Variants in ADCK1 observed in about 807,000 individuals in gnomAD.
ADCK1 encodes the protein aarF domain-containing protein kinase 1.
ADCK1 carries 41 observed loss-of-function variants against 52.3 expected under a neutral mutation model. The observed-to-expected ratio is 0.78, with a 90% CI of 0.61 to 1.02. ADCK1 has a LOEUF of 1.02. Ranked by LOEUF, ADCK1 falls within the 50% of genes least tolerant of loss-of-function variation. The pLI, the probability that ADCK1 is intolerant of heterozygous loss-of-function variation, is 0.00. For synonymous variants in ADCK1, 250 were observed against 274.6 expected, an observed-to-expected ratio of 0.91 and a Z score of 0.89; for missense variants, 658 against 679.5, an observed-to-expected ratio of 0.97 and a Z score of 0.35.
At chr14:77,848,044 C>G (rs1019191906) in intron 3 of ADCK1, among the ~76,000 whole-genome samples, 4 of 152,090 alleles carry the variant, frequency 2.6e-5, no homozygotes. Flanking sequence ...TAGTGGCCAC[C>G]TGGATGTTTT....
chr14:77,921,926 C>A (rs542581798), intron 7 of ADCK1, among the ~76,000 whole-genome samples: 1 of 152,326 alleles, frequency 6.6e-6, no homozygotes, highest in African/African-American at 2.4e-5. Flanking sequence ...CTCCCCATGA[C>A]AGGCCTGCCC....
chr14:77,815,596 T>C (rs1054140292), intron 1 of ADCK1, among the ~76,000 whole-genome samples: 1 of 151,046 alleles, frequency 6.6e-6, no homozygotes. Context: ...CTCAGTTCAC[T>C]GCAACCTCCG....
intron 3 of ADCK1, among the ~76,000 whole-genome samples, chr14:77,833,885 C>T (rs2081908330): frequency 6.6e-6 from 1 of 152,180 alleles, no homozygotes; most frequent in Non-Finnish European, 1.5e-5. Flanking sequence ...CCATGGCCAA[C>T]ACCAGCGTTT....
At chr14:77,909,466 T>C (rs1320779581) in intron 7 of ADCK1, among the ~76,000 whole-genome samples, 2 of 152,156 alleles carry the variant, frequency 1.3e-5, no homozygotes, top group Non-Finnish European at 2.9e-5. Context: ...ACTCCCCATG[T>C]CCACAGGCAG....
chr14:77,844,098 C>T (rs1433897659), intron 3 of ADCK1, among the ~76,000 whole-genome samples: 5 of 151,880 alleles, frequency 3.3e-5, no homozygotes, highest in Non-Finnish European at 7.4e-5. Context: ...GACAGAGTCT[C>T]ACTCTGTTGC....
chr14:77,812,603 T>C (rs1461226749), intron 1 of ADCK1, among the ~76,000 whole-genome samples: 1 of 152,202 alleles, frequency 6.6e-6, no homozygotes. Context: ...CATATTCTTT[T>C]TTTTGAGACA....
Position 77,930,074 on chromosome 14 carries a change from C to T in ADCK1, c.1207-1444C>T, listed in dbSNP as rs566477649. Among the ~76,000 whole-genome samples, 10 of 152,102 alleles carry T rather than the reference C, an allele frequency of 6.6e-5. No homozygotes were observed. The South Asian group carries it at 8.3e-4, about 13-fold the overall frequency. On this transcript the variant is annotated intron_variant, in intron 9 of 10. Transcript: ENST00000238561. The stretch of plus-strand genomic sequence containing the variant: ...GACTGCTGCTCTGAGAGCTGTCCCC[C>T]GGTAGTAGCCTGGGTGACTGAAGTT...
chr14:77,867,502 A>G (rs975091849), intron 4 of ADCK1, among the ~76,000 whole-genome samples: 2 of 152,250 alleles, frequency 1.3e-5, no homozygotes, highest in Non-Finnish European at 2.9e-5. Context: ...GCTGACATCA[A>G]AAGAAGATTT....
intron 7 of ADCK1, among the ~76,000 whole-genome samples, chr14:77,920,622 G>T (rs2084026678): frequency 6.6e-6 from 1 of 152,082 alleles, no homozygotes; most frequent in African/African-American, 2.4e-5. Flanking sequence ...TTTGACACAT[G>T]TTCATTCTGT....
At chr14:77,864,351 CT>C (rs1251043058) in intron 4 of ADCK1, among the ~76,000 whole-genome samples, 4 of 152,200 alleles carry the variant, frequency 2.6e-5, no homozygotes, top group African/African-American at 9.7e-5. Flanking sequence ...AGAATATAAA[CT>C]GTTTATCCAA....
Position 77,907,810 on chromosome 14 carries a change from G to A in ADCK1, c.749G>A (p.Arg250Gln), listed in dbSNP as rs140603078. 11 of 1,613,128 alleles carry A rather than the reference G, an allele frequency of 6.8e-6. No individual in the cohort carries two copies. The highest frequency in any genetic ancestry group is 2.7e-5 in the African/African-American group (2 of 74,890). Residue 250 changes from arginine (R) to glutamine (Q), a missense_variant, in exon 7 of 11, where the codon CGA becomes CAA. Physicochemically the swap from Arg to Gln is conservative, Grantham distance 43. Coordinates refer to ENST00000238561, the MANE Select transcript of ADCK1 (RefSeq NM_020421.4). Reference protein sequence around the residue: ...LRHFDFLKVPRIHWDLSTERV... With the variant: ...LRHFDFLKVPQIHWDLSTERV... Reference sequence around the variant, plus strand: ...TGTCCCTTCCTATCCCAGGTCCCCCGAATCCACTGGGACCTGTCCACGGAG... The same window carrying A: ...TGTCCCTTCCTATCCCAGGTCCCCCAAATCCACTGGGACCTGTCCACGGAG...
chr14:77,933,113 G>A (rs1490371751), intron 10 of ADCK1, 107 bp from the exon 11 acceptor site: 6 of 1,146,380 alleles, frequency 5.2e-6, no homozygotes, highest in Non-Finnish European at 7.4e-6. Flanking sequence ...GGGGCAGGGA[G>A]CTGGTGAGTT....
At chr14:77,852,654 TAAATAA>T (rs1419214792) in intron 3 of ADCK1, among the ~76,000 whole-genome samples, 586 of 18,994 alleles carry the variant, frequency 0.031, 2 homozygotes, top group Middle Eastern at 0.1. Flanking sequence ...TTTCTTTAAA[TAAATAA>T]ATATATATAT....
intron 4 of ADCK1, among the ~76,000 whole-genome samples, chr14:77,884,003 C>T (rs1027336552): frequency 1.3e-5 from 2 of 152,210 alleles, no homozygotes; most frequent in African/African-American, 4.8e-5. Flanking sequence ...CTCTTTCTTT[C>T]CCTCACCTCC....
At chr14:77,912,778 AG>A (rs1428405220) in intron 7 of ADCK1, among the ~76,000 whole-genome samples, 1 of 152,062 alleles carries the variant, frequency 6.6e-6, no homozygotes, top group Non-Finnish European at 1.5e-5. Flanking sequence ...ATGGCTCCAG[AG>A]CCCCCAACCA....
chr14:77,930,018 A>G (rs1482731861), intron 9 of ADCK1, among the ~76,000 whole-genome samples: 1 of 152,156 alleles, frequency 6.6e-6, no homozygotes, highest in Non-Finnish European at 1.5e-5. Flanking sequence ...TCTACTGCAG[A>G]CACCCACCAT....
At chr14:77,822,382 A>G (rs2081602156) in intron 2 of ADCK1, 53 bp from the exon 3 acceptor site, 1 of 1,429,446 alleles carries the variant, frequency 7.0e-7, no homozygotes, top group African/African-American at 1.4e-5. Flanking sequence ...TGGGCAGAGT[A>G]GTAGTACTTA....
intron 1 of ADCK1, among the ~76,000 whole-genome samples, chr14:77,818,228 T>A (rs2081504908): frequency 6.6e-6 from 1 of 152,140 alleles, no homozygotes; most frequent in South Asian, 2.1e-4. Flanking sequence ...ATGGTTAACC[T>A]GCTCTTCTGC....
chr14:77,867,859 A>G (rs2082695846), intron 4 of ADCK1, among the ~76,000 whole-genome samples: 1 of 152,242 alleles, frequency 6.6e-6, no homozygotes, highest in African/African-American at 2.4e-5. Context: ...AACAGGGATG[A>G]TAAGAGAGCC....
Sources: gnomAD v4.1 joint callset for allele counts (sites outside exome capture counted in the v4.1 genomes callset) on GRCh38, gnomAD v4.1.1 for gene constraint, MANE v1.5 for transcripts, NCBI Gene and HGNC (gene_info 2026-07-23, HGNC 2026-07-21) for gene names.